The following DNAH2 variants were observed in gnomAD, a reference collection of about 807,000 sequenced individuals.
The protein encoded by DNAH2 is dynein axonemal heavy chain 2.
Under a neutral mutation model 523.5 loss-of-function variants are expected in DNAH2, and 323 were observed. The ratio of observed to expected loss-of-function variants is 0.62; its 90% CI spans 0.56 to 0.68. DNAH2 has a LOEUF of 0.68. DNAH2 is among the 30% of genes least tolerant of loss of function. The pLI is 0.00. For synonymous variants in DNAH2, 2,093 were observed against 2,177.4 expected, an observed-to-expected ratio of 0.96 and a Z score of 1.08; for missense variants, 4,907 against 5,701.5, an observed-to-expected ratio of 0.86 and a Z score of 4.49.
chr17:7,821,432 T>C lies in DNAH2; in HGVS notation c.11142+63T>C, dbSNP rs2077852348. On this transcript the variant is annotated intron_variant, in intron 73 of 85. Coordinates refer to ENST00000572933, the MANE Select transcript of DNAH2 (RefSeq NM_020877.5). The surrounding 1 kb of genome is among the most constrained non-coding windows in gnomAD (Gnocchi z 5.0). Reference sequence around the variant, plus strand: ...TCAAGGTTGGGGATGAGGGCAAGTGTGACAAGGACTCCAGACCCAGAGGGT... The same window carrying C: ...TCAAGGTTGGGGATGAGGGCAAGTGCGACAAGGACTCCAGACCCAGAGGGT... 9 of 1,552,390 alleles carry C rather than the reference T, an allele frequency of 5.8e-6. No individual in the cohort carries two copies. Among genetic ancestry groups the C allele is most frequent in the Non-Finnish European group, 7.9e-6 (9 of 1,145,362 alleles).
intron 24 of DNAH2, among the ~76,000 whole-genome samples, chr17:7,768,704 C>T (rs2076236823): frequency 6.6e-6 from 1 of 152,144 alleles, no homozygotes; most frequent in African/African-American, 2.4e-5. Context: ...TTCCACCTAC[C>T]ACCCCCAGCC....
At chr17:7,762,083 C>T (rs1304246769) in intron 18 of DNAH2, among the ~76,000 whole-genome samples, 1 of 152,112 alleles carries the variant, frequency 6.6e-6, no homozygotes, top group Non-Finnish European at 1.5e-5. Context: ...TTCTCTGGGC[C>T]TCAGTTTTCT....
chr17:7,756,132 C>T (rs1043059719), intron 12 of DNAH2, among the ~76,000 whole-genome samples: 4 of 151,158 alleles, frequency 2.6e-5, no homozygotes, highest in Admixed American at 6.6e-5. Flanking sequence ...CCCAGCTACT[C>T]GGGAGGCTGA....
At position 7,759,586 on chromosome 17, in the gene DNAH2, T is replaced by C. The variant is rs2075947588; in HGVS notation, c.2613T>C (p.Asn871=). 1 of 1,614,036 alleles carries C rather than the reference T, an allele frequency of 6.2e-7. No homozygotes were observed. The highest frequency in any genetic ancestry group is 1.1e-5 in the South Asian group (1 of 91,082). ...TCCAAGTCCTTGTCATTTTGAAGAA[T>C]GATCTGCAAGGAAGTGTGGCACAGG... ...PLFQVLVILK[N]DLQGSVAQVE... Residue 871 remains asparagine, a synonymous_variant, in exon 16 of 86, where the codon AAT becomes AAC. Coordinates refer to ENST00000572933, the MANE Select transcript of DNAH2 (RefSeq NM_020877.5).
At position 7,793,136 on chromosome 17, in the gene DNAH2, G is replaced by A. The variant is rs2076946490; in HGVS notation, c.7500G>A (p.Glu2500=). The change falls in exon 48 of 86, where the codon GAG becomes GAA. Residue 2500 remains glutamate (E), a synonymous_variant. Coordinates refer to ENST00000572933, the MANE Select transcript of DNAH2 (RefSeq NM_020877.5). ...TGTTTGGGTCCCAGCCACCCCTGGAGCTGATCCGCCTCTGGATTGACTATG... is the reference window on the plus strand; with the variant it reads ...TGTTTGGGTCCCAGCCACCCCTGGAACTGATCCGCCTCTGGATTGACTATG... The part of the protein sequence containing the change: ...KDMFGSQPPL[E]LIRLWIDYGF... The A allele has an allele frequency of 1.9e-6, 3 of 1,614,098 alleles. No individual in the cohort carries two copies. Among genetic ancestry groups the A allele is most frequent in the Non-Finnish European group, 2.5e-6 (3 of 1,180,058 alleles).
chr17:7,791,907 C>T lies in DNAH2; in HGVS notation c.6901-10C>T. 6.2e-7 allele frequency: 1 copy of T among 1,611,432 alleles called. No individual in the cohort carries two copies. ...AGGTGGGTTATTTCCTCTTCTCGTT[C>T]TCCATCCAGGTGAACCCAGCTGACG... On this transcript the variant is annotated splice_polypyrimidine_tract_variant and intron_variant, in intron 44 of 85. Transcript: ENST00000572933.
chr17:7,818,506 G>C (rs1486875337), intron 69 of DNAH2, 46 bp downstream of exon 69: 1 of 1,608,184 alleles, frequency 6.2e-7, no homozygotes. Context: ...GAAGCAGGAA[G>C]AGTTTGGAAG....
chr17:7,793,133 G>A lies in DNAH2; in HGVS notation c.7497G>A (p.Leu2499=). ...AKDMFGSQPP[L]ELIRLWIDYG... ...ACATGTTTGGGTCCCAGCCACCCCTGGAGCTGATCCGCCTCTGGATTGACT... is the reference window on the plus strand; with the variant it reads ...ACATGTTTGGGTCCCAGCCACCCCTAGAGCTGATCCGCCTCTGGATTGACT... Residue 2499 remains leucine (L), a synonymous_variant, in exon 48 of 86, where the codon CTG becomes CTA. Transcript: ENST00000572933. The A allele has an allele frequency of 6.2e-7, 1 of 1,614,210 alleles. No individual in the cohort carries two copies. The highest frequency in any genetic ancestry group is 8.5e-7 in the Non-Finnish European group (1 of 1,180,042).
At chr17:7,815,076 A>C (rs1209395753) in intron 63 of DNAH2, among the ~76,000 whole-genome samples, 1 of 152,174 alleles carries the variant, frequency 6.6e-6, no homozygotes, top group Non-Finnish European at 1.5e-5. Context: ...TTGGCTTCCC[A>C]AAGTGCTGGG....
intron 4 of DNAH2, among the ~76,000 whole-genome samples, chr17:7,731,119 GATAA>G (rs545556755): frequency 1.2e-3 from 171 of 145,134 alleles, no homozygotes; most frequent in African/African-American, 4.2e-3. Context: ...CTGTGTCTCA[GATAA>G]ATAAATAAAT....
rs1025390143 is a variant in DNAH2 at position 7,737,216 on chromosome 17, C to T, written c.1128C>T (p.Pro376=). ...SLIRIIWVNS[P]HYNTRERLTS... ...TCCGCATCATCTGGGTCAACTCTCC[C>T]CACTACAACACTCGGGAGAGACTGA... Residue 376 remains proline, a synonymous_variant, in exon 8 of 86, where the codon CCC becomes CCT. Transcript: ENST00000572933. 6.2e-7 allele frequency: 1 copy of T among 1,614,010 alleles called. No individual in the cohort carries two copies. The highest frequency in any genetic ancestry group is 8.5e-7 in the Non-Finnish European group (1 of 1,179,986).
At chr17:7,728,777 G>A (rs2074900865) in intron 4 of DNAH2, among the ~76,000 whole-genome samples, 1 of 152,140 alleles carries the variant, frequency 6.6e-6, no homozygotes, top group Admixed American at 6.5e-5. Flanking sequence ...TTGAGCCTAG[G>A]AGTTCGAGAC....
At position 7,759,839 on chromosome 17, in the gene DNAH2, A is replaced by G. The variant is rs1597563250; in HGVS notation, c.2686A>G (p.Ile896Val). 1.2e-6 allele frequency: 2 copies of G among 1,614,202 alleles called. No individual in the cohort carries two copies. The highest frequency in any genetic ancestry group is 1.7e-6 in the Non-Finnish European group (2 of 1,180,028). The change falls in exon 17 of 86, where the codon ATT (isoleucine) becomes GTT (valine). Residue 896 changes from isoleucine (I) to valine (V), a missense_variant. This residue lies in a region of DNAH2 where 2,806 missense variants were observed against 3,190.8 expected (regional missense o/e 0.88). Transcript: ENST00000572933. Reference protein sequence around the residue: ...LQTLAGVVNDIGNHLFSTISV... With the variant: ...LQTLAGVVNDVGNHLFSTISV... ...GACTTTGGCAGGTGTGGTCAATGAC[A>G]TTGGCAACCACCTCTTTTCCACCAT...
chr17:7,772,759 TGTTTG>T (rs2076352424), intron 28 of DNAH2, among the ~76,000 whole-genome samples: 1 of 90,498 alleles, frequency 1.1e-5, no homozygotes, highest in Admixed American at 1.0e-4. Context: ...GTTTTTTGTT[TGTTTG>T]TTTGTTTGTT....
chr17:7,789,155 G>C (rs1342340225), intron 44 of DNAH2, among the ~76,000 whole-genome samples: 1 of 141,910 alleles, frequency 7.0e-6, no homozygotes, highest in African/African-American at 2.5e-5. Flanking sequence ...GACAGAGCAA[G>C]ACTCTGTCTC....
Position 7,832,933 on chromosome 17 carries a change from G to C in DNAH2, c.12978+5G>C, listed in dbSNP as rs763185209. 4.3e-6 allele frequency: 7 copies of C among 1,614,182 alleles called. No homozygotes were observed. In the South Asian group the frequency reaches 6.6e-5, roughly 15 times the overall value. Reference sequence around the variant, plus strand: ...AACCTAGTGTATCCCCCCAAGGTGGGAGCCAGTTGTGCTTGGGGCTCTGAG... The same window carrying C: ...AACCTAGTGTATCCCCCCAAGGTGGCAGCCAGTTGTGCTTGGGGCTCTGAG... On this transcript the variant is annotated splice_donor_5th_base_variant and intron_variant, in intron 84 of 85. Coordinates refer to ENST00000572933, the MANE Select transcript of DNAH2 (RefSeq NM_020877.5). The surrounding 1 kb of genome is among the most constrained non-coding windows in gnomAD (Gnocchi z 4.3).
Position 7,821,433 on chromosome 17 carries a change from G to T in DNAH2, c.11142+64G>T. 6.4e-7 allele frequency: 1 copy of T among 1,551,994 alleles called. No individual in the cohort carries two copies. The highest frequency in any genetic ancestry group is 8.7e-7 in the Non-Finnish European group (1 of 1,145,176). ...CAAGGTTGGGGATGAGGGCAAGTGTGACAAGGACTCCAGACCCAGAGGGTC... is the reference window on the plus strand; with the variant it reads ...CAAGGTTGGGGATGAGGGCAAGTGTTACAAGGACTCCAGACCCAGAGGGTC... On this transcript the variant is annotated intron_variant, in intron 73 of 85. Transcript: ENST00000572933. This position sits in a 1 kb window ranked among gnomAD's most constrained non-coding sequence, Gnocchi z 5.0.
chr17:7,719,682 G>C, intron 1 of DNAH2, 39 bp from the exon 2 acceptor site: 2 of 1,612,948 alleles, frequency 1.2e-6, no homozygotes. Context: ...TTCAGGGGTG[G>C]TATCTGCTTG....
At position 7,832,871 on chromosome 17, in the gene DNAH2, C is replaced by T; in HGVS notation, c.12921C>T (p.Leu4307=). The T allele has an allele frequency of 6.2e-7, 1 of 1,614,242 alleles. No individual in the cohort carries two copies. The highest frequency in any genetic ancestry group is 1.1e-5 in the South Asian group (1 of 91,090). Residue 4307 remains leucine, a synonymous_variant, in exon 84 of 86, where the codon CTC becomes CTT. Transcript: ENST00000572933. This position sits in a 1 kb window ranked among gnomAD's most constrained non-coding sequence, Gnocchi z 4.3. The stretch of plus-strand genomic sequence containing the variant: ...ACCCCCAGGTTTCAGTGGACAGCCT[C>T]TCCTGGGAGTTTATCGTTTCCACTG... The part of the protein sequence containing the change: ...ARQNNVSVDS[L]SWEFIVSTVD...
Sources: gnomAD v4.1 joint callset for allele counts (sites outside exome capture counted in the v4.1 genomes callset) on GRCh38, gnomAD v4.1.1 for gene constraint, gnomAD v4.1.1 regional missense constraint, Gnocchi (gnomAD v3.1) non-coding constraint, MANE v1.5 for transcripts, NCBI Gene and HGNC (gene_info 2026-07-23, HGNC 2026-07-21) for gene names.